The following TRAPPC9 variants were observed in gnomAD, a reference collection of about 807,000 sequenced individuals.
TRAPPC9 encodes trafficking protein particle complex subunit 9, also known as IKK2 binding protein.
Under a neutral mutation model 124.0 loss-of-function variants are expected in TRAPPC9, and 83 were observed. The ratio of observed to expected loss-of-function variants is 0.67; its 90% CI spans 0.56 to 0.80. The LOEUF is 0.80. Among genes scored for constraint, TRAPPC9 ranks in the 30% least tolerant of loss-of-function variants. TRAPPC9 has a pLI of 0.00. For synonymous variants in TRAPPC9, 638 were observed against 617.5 expected (o/e 1.03, Z -0.49); for missense variants, 1,302 against 1,508.3 (o/e 0.86, Z 2.27).
At chr8:140,157,154 T>C (rs1341427575) in intron 17 of TRAPPC9, among the ~76,000 whole-genome samples, 2 of 118,960 alleles carry the variant, frequency 1.7e-5, no homozygotes, top group African/African-American at 6.8e-5. Context: ...CCCTTTTCCA[T>C]TCAGAAGCCT....
At chr8:139,968,611 T>C (rs2131597632) in intron 19 of TRAPPC9, among the ~76,000 whole-genome samples, 1 of 152,364 alleles carries the variant, frequency 6.6e-6, no homozygotes, top group South Asian at 2.1e-4. Context: ...GAGGGGCCTC[T>C]TCCCGTTCTC....
At chr8:140,250,807 C>T (rs1056411678) in intron 16 of TRAPPC9, among the ~76,000 whole-genome samples, 8 of 152,142 alleles carry the variant, frequency 5.3e-5, no homozygotes, top group Non-Finnish European at 8.8e-5. Flanking sequence ...GTAACCACTA[C>T]GTGCCATGAC....
intron 21 of TRAPPC9, among the ~76,000 whole-genome samples, chr8:139,854,116 G>C (rs371022562): frequency 1.1e-4 from 17 of 152,220 alleles, no homozygotes; most frequent in African/African-American, 4.1e-4. Flanking sequence ...CATTCTACAG[G>C]AGAAAACTCA....
intron 17 of TRAPPC9, among the ~76,000 whole-genome samples, chr8:140,185,575 G>A (rs997032530): frequency 2.6e-5 from 4 of 152,132 alleles, no homozygotes; most frequent in African/African-American, 9.7e-5. Flanking sequence ...CACTCCTGCC[G>A]TGTCCCACCA....
intron 21 of TRAPPC9, among the ~76,000 whole-genome samples, chr8:139,866,969 G>A (rs961371394): frequency 2.0e-5 from 3 of 152,040 alleles, no homozygotes; most frequent in Non-Finnish European, 4.4e-5. Flanking sequence ...TGAGTAGCTG[G>A]GATTATAAGC....
At chr8:139,739,226 C>A (rs2130044067) in intron 21 of TRAPPC9, among the ~76,000 whole-genome samples, 1 of 152,226 alleles carries the variant, frequency 6.6e-6, no homozygotes, top group South Asian at 2.1e-4. Flanking sequence ...TCCTCTCCTC[C>A]CGGACACCCA....
chr8:140,198,141 A>G (rs1005737791), intron 17 of TRAPPC9, among the ~76,000 whole-genome samples: 4 of 152,228 alleles, frequency 2.6e-5, no homozygotes, highest in Non-Finnish European at 5.9e-5. Flanking sequence ...AACTGACTCC[A>G]TCTTGCTTCT....
At chr8:140,398,717 T>C (rs2069165288) in intron 6 of TRAPPC9, among the ~76,000 whole-genome samples, 1 of 152,188 alleles carries the variant, frequency 6.6e-6, no homozygotes, top group South Asian at 2.1e-4. Context: ...GGAAACAGCA[T>C]AAAAGTTTGA....
At chr8:140,221,324 AAAG>A (rs1321056807) in intron 17 of TRAPPC9, 132 bp downstream of exon 17, 31 of 1,355,406 alleles carry the variant, frequency 2.3e-5, no homozygotes, top group Non-Finnish European at 3.2e-5. Context: ...GTCCAAGAAC[AAAG>A]AATACCAAGA....
At chr8:140,179,645 C>T (rs1370212031) in intron 17 of TRAPPC9, among the ~76,000 whole-genome samples, 4 of 152,046 alleles carry the variant, frequency 2.6e-5, no homozygotes, top group Non-Finnish European at 5.9e-5. Flanking sequence ...TCTATTTGAT[C>T]TATCAATTAC....
At chr8:140,371,223 A>G (rs1249017032) in intron 7 of TRAPPC9, 43 bp from the exon 8 acceptor site, 16 of 1,531,710 alleles carry the variant, frequency 1.0e-5, no homozygotes, top group South Asian at 8.2e-5. Flanking sequence ...AAAGAAACGT[A>G]TAAGTGAAAA....
At chr8:140,171,320 ACT>A (rs1462764975) in intron 17 of TRAPPC9, among the ~76,000 whole-genome samples, 3 of 152,150 alleles carry the variant, frequency 2.0e-5, no homozygotes, top group Non-Finnish European at 2.9e-5. Context: ...AAAGAAAAAT[ACT>A]CTTTTAAAAG....
At chr8:139,898,249 A>T (rs1178318141) in intron 20 of TRAPPC9, among the ~76,000 whole-genome samples, 1 of 152,210 alleles carries the variant, frequency 6.6e-6, no homozygotes, top group Non-Finnish European at 1.5e-5. Context: ...CCCGTGCCTC[A>T]CTTCCACGGT....
At chr8:140,359,932 A>G (rs894209388) in intron 9 of TRAPPC9, 118 bp downstream of exon 9, 15 of 1,426,700 alleles carry the variant, frequency 1.1e-5, no homozygotes, top group Non-Finnish European at 1.3e-5. Context: ...ACTGACGAAG[A>G]GCTGGGCAGC....
intron 8 of TRAPPC9, among the ~76,000 whole-genome samples, chr8:140,364,430 A>C (rs2068049029): frequency 6.6e-6 from 1 of 152,124 alleles, no homozygotes; most frequent in African/African-American, 2.4e-5. Context: ...CACTCTACAA[A>C]GCAATAGTGT....
intron 21 of TRAPPC9, among the ~76,000 whole-genome samples, chr8:139,847,689 G>A (rs566971301): frequency 1.1e-4 from 16 of 151,428 alleles, no homozygotes; most frequent in African/African-American, 2.2e-4. Flanking sequence ...CTGCCTTCCC[G>A]ACGGCCCGGC....
chr8:139,836,033 G>C (rs1184950605), intron 21 of TRAPPC9, among the ~76,000 whole-genome samples: 1 of 151,366 alleles, frequency 6.6e-6, no homozygotes, highest in Non-Finnish European at 1.5e-5. Context: ...TTTTGAGACA[G>C]AGTCTCACTC....
At chr8:139,970,846 A>G (rs1013073373) in intron 19 of TRAPPC9, among the ~76,000 whole-genome samples, 5 of 152,092 alleles carry the variant, frequency 3.3e-5, no homozygotes, top group African/African-American at 1.2e-4. Context: ...TGTGGCCAGA[A>G]GCCAGCTGAA....
chr8:139,973,852 C>G (rs1049428616), intron 19 of TRAPPC9, among the ~76,000 whole-genome samples: 1 of 152,136 alleles, frequency 6.6e-6, no homozygotes, highest in Admixed American at 6.5e-5. Flanking sequence ...TGTTGAGACA[C>G]GCACCAGGCC....
Sources: allele counts gnomAD v4.1 joint callset (sites outside exome capture counted in the v4.1 genomes callset), GRCh38; gene constraint gnomAD v4.1.1; transcripts MANE v1.5; gene names NCBI Gene and HGNC (gene_info 2026-07-23, HGNC 2026-07-21).